GALNT17: variants seen among roughly 807,000 people sequenced by gnomAD.
The protein encoded by GALNT17 is polypeptide N-acetylgalactosaminyltransferase 17.
GALNT17 carries 29 observed loss-of-function variants against 63.7 expected under a neutral mutation model. The ratio of observed to expected loss-of-function variants is 0.46; its 90% CI spans 0.34 to 0.62. The LOEUF (loss-of-function observed/expected upper bound fraction) is 0.62. GALNT17 is among the 20% of genes least tolerant of loss of function. The probability of loss-of-function intolerance (pLI) is 0.01; values close to 1 mark genes in which losing one functional copy is unlikely to be tolerated. For missense variants in GALNT17, 603 were observed against 799.6 expected (o/e 0.75, Z 2.97); for synonymous variants, 305 against 318.3 (o/e 0.96, Z 0.45).
chr7:71,148,692 C>T (rs1406555500), intron 1 of GALNT17, among the ~76,000 whole-genome samples: 11 of 151,768 alleles, frequency 7.2e-5, no homozygotes, highest in Non-Finnish European at 1.5e-4. Flanking sequence ...TGTATTTTGT[C>T]TGTTAAGACA....
chr7:71,262,952 AT>A (rs1201901731), intron 1 of GALNT17, among the ~76,000 whole-genome samples: 1 of 152,010 alleles, frequency 6.6e-6, no homozygotes. Flanking sequence ...AAGTACTGGG[AT>A]TACAGGCATG....
intron 6 of GALNT17, among the ~76,000 whole-genome samples, chr7:71,661,231 T>C (rs1790903196): frequency 6.6e-6 from 1 of 152,184 alleles, no homozygotes; most frequent in Admixed American, 6.5e-5. Flanking sequence ...CAGTGTCTGC[T>C]GCTGTCGCAT....
At chr7:71,422,132 A>AGGGGTTGGGTCAGG (rs1786676853) in intron 5 of GALNT17, among the ~76,000 whole-genome samples, 1 of 152,072 alleles carries the variant, frequency 6.6e-6, no homozygotes, top group African/African-American at 2.4e-5. Flanking sequence ...AAAATGAAGA[A>AGGGGTTGGGTCAGG]GGGGTTGGGT....
At chr7:71,231,759 AGAGAGGGAGAGGGAGAGAGAGAG>A (rs1562934148) in intron 1 of GALNT17, among the ~76,000 whole-genome samples, 1 of 150,334 alleles carries the variant, frequency 6.7e-6, no homozygotes, top group East Asian at 2.0e-4. Context: ...GGAGAGAGAG[AGAGAGGGAGAGGGAGAGAGAGAG>A]CGCTTTCTAG....
chr7:71,302,054 G>T (rs2115885434), intron 1 of GALNT17, among the ~76,000 whole-genome samples: 1 of 152,264 alleles, frequency 6.6e-6, no homozygotes, highest in East Asian at 1.9e-4. Context: ...GCAGGGACAT[G>T]GATGAAGCTG....
At chr7:71,539,020 T>C (rs1413159789) in intron 5 of GALNT17, among the ~76,000 whole-genome samples, 1 of 152,132 alleles carries the variant, frequency 6.6e-6, no homozygotes, top group African/African-American at 2.4e-5. Context: ...CACCACAACC[T>C]CCACCTCCCA....
intron 6 of GALNT17, among the ~76,000 whole-genome samples, chr7:71,578,375 T>C (rs1216052163): frequency 6.6e-6 from 1 of 152,098 alleles, no homozygotes; most frequent in Admixed American, 6.5e-5. Context: ...CACTGTCATC[T>C]AAGCTGGAGT....
intron 6 of GALNT17, among the ~76,000 whole-genome samples, chr7:71,628,483 C>T (rs985366033): frequency 3.9e-5 from 6 of 152,064 alleles, no homozygotes; most frequent in Non-Finnish European, 1.5e-5. Flanking sequence ...CCACCACGCC[C>T]AGCTAATTTT....
At chr7:71,304,393 A>T (rs1198418888) in intron 1 of GALNT17, among the ~76,000 whole-genome samples, 2 of 152,228 alleles carry the variant, frequency 1.3e-5, no homozygotes, top group Admixed American at 6.5e-5. Flanking sequence ...GTGGGTACAG[A>T]TGTTGTCTCT....
intron 5 of GALNT17, among the ~76,000 whole-genome samples, chr7:71,524,957 A>C (rs912746036): frequency 6.6e-5 from 10 of 152,104 alleles, no homozygotes; most frequent in African/African-American, 2.4e-4. Context: ...CCTAGTTTAC[A>C]TCTCCTATTT....
Position 71,371,970 on chromosome 7 carries a change from G to A in GALNT17, c.423-16265G>A, listed in dbSNP as rs184607075. Among the ~76,000 whole-genome samples, 426 of 152,172 alleles carry A rather than the reference G, an allele frequency of 2.8e-3. 7 individuals carry two copies. Among genetic ancestry groups the A allele is most frequent in the Admixed American group, 0.023 (351 of 15,282 alleles). The stretch of plus-strand genomic sequence containing the variant: ...GAGCCATCCTGATTAAATTATATTA[G>A]CCTTAGAATTAGAGTTATTATGTTG... On this transcript the variant is annotated intron_variant, in intron 2 of 10. Coordinates refer to ENST00000333538, the MANE Select transcript of GALNT17 (RefSeq NM_022479.3).
intron 6 of GALNT17, among the ~76,000 whole-genome samples, chr7:71,657,441 C>T (rs115446226): frequency 0.014 from 2,127 of 152,286 alleles, 34 homozygotes; most frequent in African/African-American, 0.041. Context: ...ATGAACCAGT[C>T]ATGTTGGCTT....
At chr7:71,426,746 C>G (rs1250048230) in intron 5 of GALNT17, among the ~76,000 whole-genome samples, 1 of 151,966 alleles carries the variant, frequency 6.6e-6, no homozygotes, top group Non-Finnish European at 1.5e-5. Flanking sequence ...ATGGATAAAC[C>G]CTGTCTCTAC....
intron 5 of GALNT17, among the ~76,000 whole-genome samples, chr7:71,449,591 G>T (rs1418305531): frequency 6.6e-6 from 1 of 151,868 alleles, no homozygotes; most frequent in African/African-American, 2.4e-5. Flanking sequence ...GACTCATATT[G>T]GCTGTTTTAA....
intron 2 of GALNT17, among the ~76,000 whole-genome samples, chr7:71,336,520 A>G (rs1454237151): frequency 1.3e-5 from 2 of 152,010 alleles, no homozygotes; most frequent in Non-Finnish European, 2.9e-5. Flanking sequence ...AGTAGGCCTC[A>G]TGTCTATTGT....
At chr7:71,550,748 A>G (rs1459979731) in intron 5 of GALNT17, among the ~76,000 whole-genome samples, 2 of 152,156 alleles carry the variant, frequency 1.3e-5, no homozygotes, top group East Asian at 3.9e-4. Flanking sequence ...ACTGTGCCAA[A>G]ATATACTTAA....
intron 6 of GALNT17, among the ~76,000 whole-genome samples, chr7:71,604,448 A>G (rs1790017042): frequency 6.6e-6 from 1 of 152,204 alleles, no homozygotes; most frequent in East Asian, 1.9e-4. Context: ...TGCATAAACC[A>G]GGTACTATGT....
At chr7:71,402,940 T>C (rs1211435622) in intron 3 of GALNT17, among the ~76,000 whole-genome samples, 1 of 152,174 alleles carries the variant, frequency 6.6e-6, no homozygotes, top group Non-Finnish European at 1.5e-5. Flanking sequence ...CCTTCCCCCC[T>C]GCCTGTAAAG....
At chr7:71,377,122 T>TAC in intron 2 of GALNT17, among the ~76,000 whole-genome samples, 1 of 88,120 alleles carries the variant, frequency 1.1e-5, no homozygotes, top group Admixed American at 1.3e-4. Context: ...AAAATATATA[T>TAC]ATATATATAT....
Sources: allele counts gnomAD v4.1 joint callset (sites outside exome capture counted in the v4.1 genomes callset), GRCh38; gene constraint gnomAD v4.1.1; transcripts MANE v1.5; gene names NCBI Gene and HGNC (gene_info 2026-07-23, HGNC 2026-07-21).